KCTD16: variants seen among roughly 807,000 people sequenced by gnomAD.
The protein encoded by KCTD16 is BTB/POZ domain-containing protein KCTD16.
In KCTD16, 13 loss-of-function variants were observed where a neutral mutation model predicts 33.2. That is an observed-to-expected ratio of 0.39 (90% CI 0.25 to 0.62). The LOEUF (loss-of-function observed/expected upper bound fraction) is 0.62, where lower values mean the gene tolerates loss of function less well. KCTD16 is among the 20% of genes least tolerant of loss of function. KCTD16 has a pLI of 0.50. For synonymous variants in KCTD16, 197 were observed against 195.3 expected (o/e 1.01, Z -0.07); for missense variants, 441 against 525.1 (o/e 0.84, Z 1.57).
At chr5:144,273,260 C>T (rs751661964) in intron 3 of KCTD16, among the ~76,000 whole-genome samples, 3 of 152,050 alleles carry the variant, frequency 2.0e-5, no homozygotes, top group Admixed American at 1.3e-4. Context: ...ATGAAAACTA[C>T]AATGAGTTAT....
intron 3 of KCTD16, among the ~76,000 whole-genome samples, chr5:144,454,265 C>G (rs545758130): frequency 3.6e-4 from 55 of 152,272 alleles, no homozygotes; most frequent in African/African-American, 1.3e-3. Context: ...TATGCAGAAC[C>G]TTCCATATCT....
chr5:144,269,344 A>G (rs2126845515), intron 3 of KCTD16, among the ~76,000 whole-genome samples: 1 of 152,152 alleles, frequency 6.6e-6, no homozygotes, highest in Middle Eastern at 3.4e-3. Context: ...GAAAGCAAGA[A>G]AGAAGCAACT....
At chr5:144,219,574 G>T (rs945859592) in intron 3 of KCTD16, among the ~76,000 whole-genome samples, 2 of 140,354 alleles carry the variant, frequency 1.4e-5, no homozygotes, top group African/African-American at 5.3e-5. Context: ...AGGCTGGAGT[G>T]CAATGGCGCG....
At position 144,207,532 on chromosome 5, in the gene KCTD16, A is replaced by C; in HGVS notation, c.818A>C (p.Glu273Ala). The stretch of plus-strand genomic sequence containing the variant: ...GACAAGATCTGGTCAAGCTACACTG[A>C]ATATGTCTTCTACCGTAAGTACAAA... ...TDDKIWSSYT[E>A]YVFYREPSRW... is the part of the protein sequence containing the mutation. The change falls in exon 3 of 4, where the codon GAA (glutamate) becomes GCA (alanine). Residue 273 changes from glutamate to alanine, a missense_variant. Transcript: ENST00000512467. The C allele has an allele frequency of 6.2e-7, 1 of 1,611,624 alleles. No individual in the cohort carries two copies. The highest frequency in any genetic ancestry group is 8.5e-7 in the Non-Finnish European group (1 of 1,178,336).
At chr5:144,447,609 G>A (rs924536647) in intron 3 of KCTD16, among the ~76,000 whole-genome samples, 1 of 151,904 alleles carries the variant, frequency 6.6e-6, no homozygotes, top group Non-Finnish European at 1.5e-5. Context: ...TTTACAGGAG[G>A]ATTTTTTTCA....
At chr5:144,332,633 A>T (rs1752387703) in intron 3 of KCTD16, among the ~76,000 whole-genome samples, 1 of 152,184 alleles carries the variant, frequency 6.6e-6, no homozygotes, top group Non-Finnish European at 1.5e-5. Context: ...TAGAACTTCA[A>T]ATAGTTCAGT....
At chr5:144,413,017 C>A (rs1752966645) in intron 3 of KCTD16, among the ~76,000 whole-genome samples, 1 of 152,072 alleles carries the variant, frequency 6.6e-6, no homozygotes. Flanking sequence ...AAAGAAACAA[C>A]AAATATTTAA....
chr5:144,290,867 A>T (rs1755878134), intron 3 of KCTD16, among the ~76,000 whole-genome samples: 1 of 152,244 alleles, frequency 6.6e-6, no homozygotes. Context: ...ATATGTAGTT[A>T]TACAGAGCTA....
At chr5:144,255,402 A>C (rs962674472) in intron 3 of KCTD16, among the ~76,000 whole-genome samples, 1 of 151,272 alleles carries the variant, frequency 6.6e-6, no homozygotes, top group Admixed American at 6.6e-5. Context: ...TTTTAGGGGA[A>C]CCTCCATTCC....
chr5:144,176,703 A>G (rs979631207), intron 2 of KCTD16, among the ~76,000 whole-genome samples: 4 of 152,210 alleles, frequency 2.6e-5, no homozygotes, highest in African/African-American at 9.6e-5. Flanking sequence ...CGCCCGGCCA[A>G]GATATAGTGT....
intron 3 of KCTD16, among the ~76,000 whole-genome samples, chr5:144,469,198 G>T (rs913282661): frequency 6.6e-6 from 1 of 152,072 alleles, no homozygotes. Flanking sequence ...ATCCTGAAGG[G>T]CTTATCCATT....
chr5:144,281,466 G>A (rs1031581489), intron 3 of KCTD16, among the ~76,000 whole-genome samples: 1 of 152,126 alleles, frequency 6.6e-6, no homozygotes, highest in South Asian at 2.1e-4. Context: ...CTATTTAGAA[G>A]TGTGTTGTTT....
intron 2 of KCTD16, among the ~76,000 whole-genome samples, chr5:144,199,377 A>G (rs1449134852): frequency 6.6e-6 from 1 of 152,232 alleles, no homozygotes; most frequent in Non-Finnish European, 1.5e-5. Context: ...TTAGCTAACA[A>G]ACATCCCACA....
chr5:144,342,636 A>G (rs1752677102), intron 3 of KCTD16, among the ~76,000 whole-genome samples: 1 of 152,076 alleles, frequency 6.6e-6, no homozygotes, highest in South Asian at 2.1e-4. Context: ...GTGGTGAGAG[A>G]GGGCATCCCT....
chr5:144,225,527 C>CACCACAT (rs1753903176), intron 3 of KCTD16, among the ~76,000 whole-genome samples: 1 of 151,232 alleles, frequency 6.6e-6, no homozygotes, highest in Non-Finnish European at 1.5e-5. Context: ...TCCTCTGCTC[C>CACCACAT]ACCACATACC....
At chr5:144,428,021 G>T (rs1753373416) in intron 3 of KCTD16, among the ~76,000 whole-genome samples, 1 of 152,006 alleles carries the variant, frequency 6.6e-6, no homozygotes. Flanking sequence ...CAAAGAATTT[G>T]ACCTCTTTCC....
intron 3 of KCTD16, among the ~76,000 whole-genome samples, chr5:144,256,617 GT>G (rs796627421): frequency 2.5e-3 from 238 of 93,796 alleles, no homozygotes; most frequent in Middle Eastern, 0.011. Flanking sequence ...AGTTTTTTTT[GT>G]TTTTTTTTTT....
At chr5:144,458,469 G>A (rs193048349) in intron 3 of KCTD16, among the ~76,000 whole-genome samples, 119 of 151,844 alleles carry the variant, frequency 7.8e-4, no homozygotes, top group African/African-American at 2.7e-3. Context: ...GATTTCTGTC[G>A]CAGAGGCTGT....
chr5:144,283,230 G>A (rs2126856405), intron 3 of KCTD16, among the ~76,000 whole-genome samples: 1 of 152,168 alleles, frequency 6.6e-6, no homozygotes, highest in African/African-American at 2.4e-5. Context: ...AGGCTTTTGT[G>A]GAGTTTAAGT....
Sources: gnomAD v4.1 joint callset for allele counts (sites outside exome capture counted in the v4.1 genomes callset) on GRCh38, gnomAD v4.1.1 for gene constraint, MANE v1.5 for transcripts, NCBI Gene and HGNC (gene_info 2026-07-23, HGNC 2026-07-21) for gene names.